Variants in RELN observed in about 807,000 individuals in gnomAD.
RELN encodes reelin.
In RELN, 108 loss-of-function variants were observed where a neutral mutation model predicts 427.6. The ratio of observed to expected loss-of-function variants is 0.25; its 90% CI spans 0.22 to 0.30. RELN has a LOEUF of 0.30. Among genes scored for constraint, RELN ranks in the 10% least tolerant of loss-of-function variants. The probability of loss-of-function intolerance (pLI) is 1.00; values close to 1 mark genes in which losing one functional copy is unlikely to be tolerated. For synonymous variants in RELN, 1,524 were observed against 1,513.4 expected (o/e 1.01, Z -0.16); for missense variants, 3,715 against 4,302.8 (o/e 0.86, Z 3.82).
In RELN at chr7:103,619,876, T is replaced by TTG. The variant is rs372160818; in HGVS notation, c.2703-8075_2703-8074dup. Among the ~76,000 whole-genome samples the TTG allele has an allele frequency of 3.6e-3, 549 of 150,764 alleles. 1 individual carries two copies. The highest frequency in any genetic ancestry group is 0.011 in the African/African-American group (461 of 41,172). On this transcript the variant is annotated intron_variant, in intron 20 of 64. Transcript: ENST00000428762. ...AGTAAGAGTGTGTGTATATGTGTGT[T>TTG]TGTGTGTGTGTGTGTGTGTTTGTAG...
intron 2 of RELN, among the ~76,000 whole-genome samples, chr7:103,893,023 A>C (rs192022063): frequency 6.6e-6 from 1 of 152,170 alleles, no homozygotes; most frequent in Non-Finnish European, 1.5e-5. Flanking sequence ...AGGGTCTTCA[A>C]GGGAGACCAA....
chr7:103,644,097 T>A (rs1477827209), intron 16 of RELN, among the ~76,000 whole-genome samples: 1 of 151,194 alleles, frequency 6.6e-6, no homozygotes, highest in Non-Finnish European at 1.5e-5. Context: ...TATAGTCACA[T>A]CCTCAAGAGA....
chr7:103,516,803 C>T (rs1004109146), intron 49 of RELN, among the ~76,000 whole-genome samples: 11 of 152,028 alleles, frequency 7.2e-5, no homozygotes, highest in African/African-American at 9.7e-5. Context: ...TACAGTATCT[C>T]CATGTTGATT....
chr7:103,680,591 T>G (rs1301007712), intron 11 of RELN, among the ~76,000 whole-genome samples: 1 of 151,884 alleles, frequency 6.6e-6, no homozygotes, highest in Non-Finnish European at 1.5e-5. Flanking sequence ...AAGACTTCTG[T>G]GCATTGTCAA....
In RELN at chr7:103,723,275, A is replaced by G. The variant is rs969206868; in HGVS notation, c.754-84T>C. 19 of 789,316 alleles carry G rather than the reference A, an allele frequency of 2.4e-5. No homozygotes were observed. In the Admixed American group the frequency reaches 3.7e-4, roughly 15 times the overall value. The allele number at this position is 789,316 out of a possible 1,614,324, so 48.9% of individuals were successfully genotyped here. The stretch of plus-strand genomic sequence containing the variant: ...ATGCTGGGAGGGGTACGGGGAGGGG[A>G]AGAGTTAAAAAAGAGGAGAGAGGAA... On this transcript the variant is annotated intron_variant, in intron 7 of 64. Coordinates refer to ENST00000428762, the MANE Select transcript of RELN (RefSeq NM_005045.4).
intron 2 of RELN, among the ~76,000 whole-genome samples, chr7:103,883,694 G>C (rs1794659775): frequency 6.6e-6 from 1 of 152,120 alleles, no homozygotes; most frequent in Non-Finnish European, 1.5e-5. Flanking sequence ...TTGCTACAAA[G>C]GGAATAAAAT....
chr7:103,585,941 C>T (rs987891228), intron 28 of RELN, among the ~76,000 whole-genome samples: 1 of 152,058 alleles, frequency 6.6e-6, no homozygotes, highest in Non-Finnish European at 1.5e-5. Context: ...ATAAACAGAA[C>T]TAAAAACAAA....
rs537261265 is a variant in RELN at position 103,595,783 on chromosome 7, T to C, written c.3539+673A>G. Among the ~76,000 whole-genome samples the C allele has an allele frequency of 2.6e-5, 4 of 152,160 alleles. 1 individual carries two copies. Among genetic ancestry groups the C allele is most frequent in the African/African-American group, 7.2e-5 (3 of 41,560 alleles). The stretch of plus-strand genomic sequence containing the variant: ...ATTGAATAGACTTTAATAATACTTA[T>C]ATAAAATATAAATACAGAATTTCAA... On this transcript the variant is annotated intron_variant, in intron 25 of 64. Coordinates refer to ENST00000428762, the MANE Select transcript of RELN (RefSeq NM_005045.4).
chr7:103,688,932 G>A lies in RELN; in HGVS notation c.1144-6671C>T, dbSNP rs563237860. On this transcript the variant is annotated intron_variant, in intron 10 of 64. Transcript: ENST00000428762. ...ACTAGAAAAATTGTCTTTATTATTG[G>A]ATATTTATCAATAGTAAAGGTAGTA... Among the ~76,000 whole-genome samples the A allele has an allele frequency of 1.1e-3, 169 of 152,098 alleles. 1 individual carries two copies. Among genetic ancestry groups the A allele is most frequent in the African/African-American group, 3.9e-3 (163 of 41,494 alleles).
chr7:103,670,374 T>C (rs1833364618), intron 11 of RELN, among the ~76,000 whole-genome samples: 1 of 152,182 alleles, frequency 6.6e-6, no homozygotes, highest in African/African-American at 2.4e-5. Context: ...GAACGTTTAC[T>C]ACAATATTCT....
At position 103,752,478 on chromosome 7, in the gene RELN, T is replaced by C. The variant is rs1030011883; in HGVS notation, c.577+704A>G. 7.2e-5 allele frequency among the ~76,000 whole-genome samples: 11 copies of C among 152,184 alleles called. No homozygotes were observed. In the South Asian group the frequency reaches 8.3e-4, roughly 11 times the overall value. On this transcript the variant is annotated intron_variant, in intron 5 of 64. Transcript: ENST00000428762. ...AGGTTGGAGGACAGTGTCACAATCA[T>C]AGCTTGCTGCAGCCTTGAAATCCTG...
At chr7:103,829,625 A>T (rs112067965) in intron 3 of RELN, among the ~76,000 whole-genome samples, 1,987 of 151,992 alleles carry the variant, frequency 0.013, 41 homozygotes, top group African/African-American at 0.044. Context: ...AGCCATCACT[A>T]TATCCTGAAA....
At position 103,824,423 on chromosome 7, in the gene RELN, G is replaced by C. The variant is rs264373; in HGVS notation, c.473+9114C>G. ...AATCAGTGGGCCCAGTTCCAGCTCA[G>C]TCTCCTTTATTATCTCCTGCTGTCT... On this transcript the variant is annotated intron_variant, in intron 3 of 64. Coordinates refer to ENST00000428762, the MANE Select transcript of RELN (RefSeq NM_005045.4). The surrounding 1 kb of genome is among the most constrained non-coding windows in gnomAD (Gnocchi z 4.4). Among the ~76,000 whole-genome samples the C allele has an allele frequency of 0.51, 77,254 of 151,662 alleles. 19,959 individuals carry two copies. The highest frequency in any genetic ancestry group is 0.6 in the Admixed American group (9,137 of 15,218).
chr7:103,583,615 C>A (rs778113006), intron 28 of RELN, among the ~76,000 whole-genome samples: 6 of 152,188 alleles, frequency 3.9e-5, no homozygotes, highest in South Asian at 2.1e-4. Flanking sequence ...CAAGGAAGAA[C>A]CAAAATTATG....
At chr7:103,540,712 G>A (rs1830159439) in intron 43 of RELN, among the ~76,000 whole-genome samples, 1 of 152,146 alleles carries the variant, frequency 6.6e-6, no homozygotes, top group Admixed American at 6.5e-5. Context: ...AGGAGAGCCT[G>A]AGGGACCTGA....
At chr7:103,828,870 C>A (rs187076979) in intron 3 of RELN, among the ~76,000 whole-genome samples, 2 of 151,992 alleles carry the variant, frequency 1.3e-5, no homozygotes, top group African/African-American at 4.8e-5. Context: ...GATTCCGATG[C>A]CATACTGCAA....
In RELN at chr7:103,774,246, G is replaced by A. The variant is rs537110000; in HGVS notation, c.544+2311C>T. 3.4e-5 allele frequency among the ~76,000 whole-genome samples: 5 copies of A among 149,162 alleles called. No homozygotes were observed. The South Asian group carries it at 1.1e-3, about 31-fold the overall frequency. ...CAGGAGGTGGAGGTTGTGGTTAGCC[G>A]AGATTACGTCACTGCACTCCAGCCT... On this transcript the variant is annotated intron_variant, in intron 4 of 64. Transcript: ENST00000428762.
At chr7:103,730,304 TATATA>T (rs1216957676) in intron 6 of RELN, among the ~76,000 whole-genome samples, 1 of 152,006 alleles carries the variant, frequency 6.6e-6, no homozygotes, top group Admixed American at 6.6e-5. Flanking sequence ...AAAATATCTA[TATATA>T]ATATATGTAT....
intron 28 of RELN, among the ~76,000 whole-genome samples, chr7:103,586,096 G>C (rs1305916578): frequency 6.6e-6 from 1 of 152,306 alleles, no homozygotes; most frequent in Admixed American, 6.5e-5. Context: ...CGGGCGTGAT[G>C]GCTCATGCCT....
Sources: allele counts gnomAD v4.1 joint callset (sites outside exome capture counted in the v4.1 genomes callset), GRCh38; gene constraint gnomAD v4.1.1; non-coding constraint Gnocchi (gnomAD v3.1); transcripts MANE v1.5; gene names NCBI Gene and HGNC (gene_info 2026-07-23, HGNC 2026-07-21).